The following GTF2E2 variants were observed in gnomAD, a reference collection of about 807,000 sequenced individuals.
GTF2E2 encodes general transcription factor IIE subunit 2, also known as transcription initiation factor IIE subunit beta.
In GTF2E2, 21 loss-of-function variants were observed where a neutral mutation model predicts 40.5. The ratio of observed to expected loss-of-function variants is 0.52; its 90% CI spans 0.37 to 0.75. The LOEUF is 0.75. Among genes scored for constraint, GTF2E2 ranks in the 30% least tolerant of loss-of-function variants. The probability of loss-of-function intolerance (pLI) is 0.00; values close to 1 mark genes in which losing one functional copy is unlikely to be tolerated. For synonymous variants in GTF2E2, 117 were observed against 121.6 expected, an observed-to-expected ratio of 0.96 and a Z score of 0.25; for missense variants, 298 against 338.4, an observed-to-expected ratio of 0.88 and a Z score of 0.94.
chr8:30,609,029 G>A (rs533397439), intron 5 of GTF2E2, among the ~76,000 whole-genome samples: 10 of 152,250 alleles, frequency 6.6e-5, no homozygotes, highest in Admixed American at 3.3e-4. Context: ...GATTACAGGC[G>A]TGAGCCACTG....
At chr8:30,583,617 C>T (rs745321126) in intron 6 of GTF2E2, among the ~76,000 whole-genome samples, 10 of 151,954 alleles carry the variant, frequency 6.6e-5, no homozygotes, top group Non-Finnish European at 1.2e-4. Context: ...TAGACTCAAG[C>T]GATCCACCTG....
chr8:30,638,167 C>T (rs1801676345), intron 2 of GTF2E2, among the ~76,000 whole-genome samples: 1 of 152,058 alleles, frequency 6.6e-6, no homozygotes, highest in Admixed American at 6.6e-5. Flanking sequence ...ATATACGGAA[C>T]AAGTAATGAA....
intron 6 of GTF2E2, among the ~76,000 whole-genome samples, chr8:30,594,808 G>A (rs1437766328): frequency 6.8e-6 from 1 of 146,052 alleles, no homozygotes; most frequent in Non-Finnish European, 1.5e-5. Context: ...GGTGAGCCGA[G>A]ATCACACCAC....
At chr8:30,599,519 C>T (rs558743972) in intron 6 of GTF2E2, among the ~76,000 whole-genome samples, 57 of 148,532 alleles carry the variant, frequency 3.8e-4, no homozygotes, top group African/African-American at 1.4e-3. Context: ...GCAGAGGTTG[C>T]AGTAAGCCGA....
chr8:30,612,172 C>T, intron 5 of GTF2E2, 127 bp downstream of exon 5: 1 of 571,008 alleles, frequency 1.8e-6, no homozygotes, highest in Non-Finnish European at 3.0e-6. Context: ...CTTCAAGTGG[C>T]TCACTGTAAC....
At chr8:30,624,513 A>G (rs1424316874) in intron 3 of GTF2E2, among the ~76,000 whole-genome samples, 3 of 152,128 alleles carry the variant, frequency 2.0e-5, no homozygotes, top group African/African-American at 7.2e-5. Flanking sequence ...TTGGTTCCAT[A>G]TGAACTTGAA....
At chr8:30,587,630 T>C (rs1828720114) in intron 6 of GTF2E2, among the ~76,000 whole-genome samples, 1 of 152,010 alleles carries the variant, frequency 6.6e-6, no homozygotes, top group Non-Finnish European at 1.5e-5. Flanking sequence ...CCCAGCACTT[T>C]GGGAGGCCAA....
At chr8:30,583,604 G>A (rs986597430) in intron 6 of GTF2E2, among the ~76,000 whole-genome samples, 4 of 151,804 alleles carry the variant, frequency 2.6e-5, no homozygotes, top group African/African-American at 7.3e-5. Flanking sequence ...GGTCTCGAAC[G>A]TCTAGACTCA....
At chr8:30,627,385 G>A (rs545476918) in intron 3 of GTF2E2, among the ~76,000 whole-genome samples, 76 of 139,566 alleles carry the variant, frequency 5.4e-4, no homozygotes, top group African/African-American at 1.9e-3. Flanking sequence ...GAGAAACTGT[G>A]TTGGCATCCA....
At chr8:30,594,826 C>T (rs925537770) in intron 6 of GTF2E2, among the ~76,000 whole-genome samples, 43 of 149,664 alleles carry the variant, frequency 2.9e-4, no homozygotes, top group Non-Finnish European at 6.1e-4. Context: ...CACTGCACTC[C>T]AGCCTGGGCA....
intron 6 of GTF2E2, among the ~76,000 whole-genome samples, chr8:30,592,621 T>C (rs1254767499): frequency 6.6e-6 from 1 of 152,216 alleles, no homozygotes; most frequent in African/African-American, 2.4e-5. Context: ...CCATGCACTT[T>C]AAATAATCTC....
chr8:30,656,170 A>G (rs563876086), intron 1 of GTF2E2, among the ~76,000 whole-genome samples: 1 of 152,294 alleles, frequency 6.6e-6, no homozygotes, highest in Admixed American at 6.5e-5. Context: ...TCTACATTCA[A>G]TTTCATAAGT....
At chr8:30,639,079 T>C (rs1225248082) in intron 2 of GTF2E2, among the ~76,000 whole-genome samples, 1 of 152,206 alleles carries the variant, frequency 6.6e-6, no homozygotes, top group Non-Finnish European at 1.5e-5. Context: ...TATTGGCTGC[T>C]AAAAAATAGT....
chr8:30,598,718 C>T (rs538520424), intron 6 of GTF2E2, among the ~76,000 whole-genome samples: 4 of 152,132 alleles, frequency 2.6e-5, no homozygotes, highest in Non-Finnish European at 5.9e-5. Flanking sequence ...TACTGGAACA[C>T]GGGTATTTTA....
chr8:30,608,810 C>T lies in GTF2E2; in HGVS notation c.550-1660G>A, dbSNP rs754322423. Among the ~76,000 whole-genome samples, 13 of 152,310 alleles carry T rather than the reference C, an allele frequency of 8.5e-5. No individual in the cohort carries two copies. In the East Asian group the frequency reaches 9.7e-4, roughly 11 times the overall value. On this transcript the variant is annotated intron_variant, in intron 5 of 7. Coordinates refer to ENST00000355904, the MANE Select transcript of GTF2E2 (RefSeq NM_002095.6). ...TGTCAACCAGGCTGGAGTGCAGTGA[C>T]GCGATCTTGGCTCACTGCAAGCTCC... is the stretch of plus-strand genomic sequence containing the variant.
intron 3 of GTF2E2, among the ~76,000 whole-genome samples, chr8:30,631,265 C>T (rs1801431532): frequency 6.6e-6 from 1 of 152,162 alleles, no homozygotes; most frequent in Admixed American, 6.5e-5. Context: ...GATCCACCTG[C>T]CTCAGCCTCC....
intron 6 of GTF2E2, chr8:30,585,031 ACAAAATTAGCC>A (rs908975643): frequency 5.3e-5 from 8 of 152,264 alleles, no homozygotes; most frequent in Non-Finnish European, 1.2e-4. Flanking sequence ...TATTAAAAAT[ACAAAATTAGCC>A]AGGCGTGGTG....
intron 6 of GTF2E2, among the ~76,000 whole-genome samples, chr8:30,594,352 A>C (rs1417332399): frequency 1.3e-5 from 2 of 151,374 alleles, no homozygotes; most frequent in African/African-American, 4.9e-5. Context: ...CCACCTCCCC[A>C]GCTGAAGCAA....
chr8:30,589,714 C>T (rs1196122760), intron 6 of GTF2E2, among the ~76,000 whole-genome samples: 3 of 152,194 alleles, frequency 2.0e-5, no homozygotes, highest in Non-Finnish European at 4.4e-5. Flanking sequence ...GAACAGGCAT[C>T]GTCTGCCCAA....
Sources: gnomAD v4.1 joint callset for allele counts (sites outside exome capture counted in the v4.1 genomes callset) on GRCh38, gnomAD v4.1.1 for gene constraint, MANE v1.5 for transcripts, NCBI Gene and HGNC (gene_info 2026-07-23, HGNC 2026-07-21) for gene names.